The following MOCS3 variants were observed in gnomAD, a reference collection of about 807,000 sequenced individuals.
MOCS3 encodes the protein adenylyltransferase and sulfurtransferase MOCS3.
A neutral mutation model predicts 8.4 loss-of-function variants in MOCS3; 9 were observed. The ratio of observed to expected loss-of-function variants is 1.07; its 90% CI spans 0.65 to 1.87. The LOEUF (loss-of-function observed/expected upper bound fraction) is 1.87. Ranked by LOEUF, MOCS3 falls within the 40% of genes most tolerant of loss-of-function variation. The pLI, the probability that MOCS3 is intolerant of heterozygous loss-of-function variation, is 0.00. For synonymous variants in MOCS3, 294 were observed against 272.0 expected, an observed-to-expected ratio of 1.08 and a Z score of -0.80; for missense variants, 581 against 599.7, an observed-to-expected ratio of 0.97 and a Z score of 0.33.
chr20:50,963,134 T>G lies in MOCS3; in HGVS notation c.*2909T>G. The G allele has an allele frequency of 6.6e-6, 1 of 151,788 alleles. No homozygotes were observed. The highest frequency in any genetic ancestry group is 2.0e-4 in the East Asian group (1 of 5,108). 9.4% of individuals were successfully genotyped at this position (151,788 alleles called of 1,614,324 possible). Reference sequence around the variant, plus strand: ...AGCAATGGGGTCTGAATATGTGGCCTAGGCTGATCTCAAACTCCTGGGCTC... The same window carrying G: ...AGCAATGGGGTCTGAATATGTGGCCGAGGCTGATCTCAAACTCCTGGGCTC... On this transcript the variant is annotated 3_prime_UTR_variant, in exon 1 of 1. Coordinates refer to ENST00000244051, the MANE Select transcript of MOCS3 (RefSeq NM_014484.5).
Position 50,958,945 on chromosome 20 carries a change from G to T in MOCS3, c.103G>T (p.Glu35Ter). Residue 35 changes from glutamate to a stop codon, truncating the protein, a stop_gained, in exon 1 of 1, where the codon GAG becomes TAG. Coordinates refer to ENST00000244051, the MANE Select transcript of MOCS3 (RefSeq NM_014484.5). LOFTEE classifies it low-confidence loss of function (END_TRUNC). The part of the protein sequence containing the change: ...KQKLASALLA[E>*]QEPQPERLVP... ...GAAGCTGGCGTCGGCTCTTTTGGCT[G>T]AGCAGGAACCGCAGCCAGAACGGCT... 6.2e-7 allele frequency: 1 copy of T among 1,610,992 alleles called. No homozygotes were observed. The highest frequency in any genetic ancestry group is 1.1e-5 in the South Asian group (1 of 91,056).
chr20:50,959,207 T>G lies in MOCS3; in HGVS notation c.365T>G (p.Leu122Arg). 1.2e-6 allele frequency: 2 copies of G among 1,611,878 alleles called. No individual in the cohort carries two copies. Among genetic ancestry groups the G allele is most frequent in the Non-Finnish European group, 1.7e-6 (2 of 1,179,382 alleles). Residue 122 changes from leucine (L) to arginine (R), a missense_variant, in exon 1 of 1, where the codon CTG becomes CGG. By Grantham distance (102) the Leu-to-Arg change is moderately radical. Transcript: ENST00000244051. ...TATGACGTGGTAGAGATGAGCAACC[T>G]GGCCCGCCAAGTGCTGCATGGCGAG... ...VDYDVVEMSN[L>R]ARQVLHGEAL...
chr20:50,963,468 A>T lies in MOCS3; in HGVS notation c.*3243A>T, dbSNP rs1987141635. 6.6e-6 allele frequency: 1 copy of T among 152,230 alleles called. No homozygotes were observed. Among genetic ancestry groups the T allele is most frequent in the South Asian group, 2.1e-4 (1 of 4,830 alleles). 9.4% of individuals were successfully genotyped at this position (152,230 alleles called of 1,614,324 possible). A position where few individuals can be genotyped will look rare whatever the true frequency, so the allele number is the denominator to read the frequency against. ...AATTATGGAAGGCCTCAGAGATGAC[A>T]TTAAACCCAAAACCTGAAAGGTGAG... On this transcript the variant is annotated 3_prime_UTR_variant, in exon 1 of 1. Coordinates refer to ENST00000244051, the MANE Select transcript of MOCS3 (RefSeq NM_014484.5).
In MOCS3 at chr20:50,960,097, CAGAA is replaced by C. The variant is rs745334123; in HGVS notation, c.1258_1261del (p.Lys420ProfsTer2). 9.3e-6 allele frequency: 15 copies of C among 1,614,138 alleles called. No individual in the cohort carries two copies. In the African/African-American group the frequency reaches 1.9e-4, roughly 20 times the overall value. On this transcript the variant is annotated frameshift_variant, in exon 1 of 1. Coordinates refer to ENST00000244051, the MANE Select transcript of MOCS3 (RefSeq NM_014484.5). LOFTEE classifies it high-confidence loss of function. ...GATTTGCAAACTGGGAAATGACTCA[CAGAA>C]AGCCGTGAAGATCCTCCAGTCCTTA...
At position 50,958,851 on chromosome 20, in the gene MOCS3, C is replaced by T; in HGVS notation, c.9C>T (p.Ser3=). The T allele has an allele frequency of 6.3e-7, 1 of 1,588,000 alleles. No individual in the cohort carries two copies. The highest frequency in any genetic ancestry group is 8.6e-7 in the Non-Finnish European group (1 of 1,161,882). MA[S]REEVLALQAE... ...TTCCGGAAGAGGTCGCCATGGCTTCCCGGGAGGAGGTACTCGCCTTACAAG... is the reference window on the plus strand; with the variant it reads ...TTCCGGAAGAGGTCGCCATGGCTTCTCGGGAGGAGGTACTCGCCTTACAAG... The change falls in exon 1 of 1, where the codon TCC becomes TCT. Residue 3 remains serine, a synonymous_variant. Coordinates refer to ENST00000244051, the MANE Select transcript of MOCS3 (RefSeq NM_014484.5).
chr20:50,963,436 A>AT lies in MOCS3; in HGVS notation c.*3212dup, dbSNP rs1987140930. ...GGGTGGGGGAGGGGATCTGTTTTGA[A>AT]TAGCTTAATTATGGAAGGCCTCAGA... is the stretch of plus-strand genomic sequence containing the variant. On this transcript the variant is annotated 3_prime_UTR_variant, in exon 1 of 1. Transcript: ENST00000244051. 6.6e-6 allele frequency: 1 copy of AT among 152,236 alleles called. No individual in the cohort carries two copies. Among genetic ancestry groups the AT allele is most frequent in the Non-Finnish European group, 1.5e-5 (1 of 68,048 alleles). The allele number at this position is 152,236 out of a possible 1,614,324, so 9.4% of individuals were successfully genotyped here.
rs2123162130 is a variant in MOCS3 at position 50,960,323 on chromosome 20, A to G, written c.*98A>G. The G allele has an allele frequency of 1.6e-6, 2 of 1,275,186 alleles. No homozygotes were observed. Among genetic ancestry groups the G allele is most frequent in the East Asian group, 5.0e-5 (2 of 39,888 alleles). The allele number at this position is 1,275,186 out of a possible 1,614,324, so 79.0% of individuals were successfully genotyped here. ...TCGGTAATATACATAGGAGCTGGGG[A>G]TTCTACAGTATCTGTGAATACGTGG... On this transcript the variant is annotated 3_prime_UTR_variant, in exon 1 of 1. Transcript: ENST00000244051.
Position 50,958,987 on chromosome 20 carries a change from C to T in MOCS3, c.145C>T (p.Leu49=). 6.2e-7 allele frequency: 1 copy of T among 1,609,746 alleles called. No homozygotes were observed. The highest frequency in any genetic ancestry group is 8.5e-7 in the Non-Finnish European group (1 of 1,177,272). ...QPERLVPVSP[L]PPKAALSRDE... ...AGAACGGCTGGTTCCGGTGTCGCCG[C>T]TGCCGCCGAAGGCCGCTCTGTCCCG... Residue 49 remains leucine, a synonymous_variant, in exon 1 of 1, where the codon CTG becomes TTG. Transcript: ENST00000244051.
rs200363022 is a variant in MOCS3, at chr20:50,960,072, G to C, written c.1230G>C (p.Val410=). The change falls in exon 1 of 1, where the codon GTG becomes GTC. Residue 410 remains valine (V), a synonymous_variant. Coordinates refer to ENST00000244051, the MANE Select transcript of MOCS3 (RefSeq NM_014484.5). ...AAGGGGCTGCTGTCCCCATTTATGT[G>C]ATTTGCAAACTGGGAAATGACTCAC... The part of the protein sequence containing the change: ...TQEGAAVPIY[V]ICKLGNDSQK... The C allele has an allele frequency of 9.9e-6, 16 of 1,614,256 alleles. No homozygotes were observed. The Middle Eastern group carries it at 9.9e-4, about 100-fold the overall frequency.
At position 50,959,824 on chromosome 20, in the gene MOCS3, C is replaced by T. The variant is rs1300168269; in HGVS notation, c.982C>T (p.Gln328Ter). ...AGCCACTGATAAATGCCGCTCCCTG[C>T]AACTACTGAGCCCAGAGGAGCGTGT... Reference protein sequence around the residue: ...SSATDKCRSLQLLSPEERVSV... With the variant: ...SSATDKCRSL The change falls in exon 1 of 1, where the codon CAA (glutamine) becomes TAA (stop). Residue 328 changes from glutamine (Q) to a stop codon, truncating the protein, a stop_gained. Transcript: ENST00000244051. LOFTEE classifies it low-confidence loss of function (END_TRUNC). 1.2e-6 allele frequency: 2 copies of T among 1,614,126 alleles called. No individual in the cohort carries two copies. Among genetic ancestry groups the T allele is most frequent in the Non-Finnish European group, 1.7e-6 (2 of 1,180,046 alleles).
chr20:50,959,736 A>T lies in MOCS3; in HGVS notation c.894A>T (p.Ala298=), dbSNP rs1212812176. ...TGCGGAGCCGCAGGCTCGACTGTGC[A>T]GCTTGCGGGGAACGGCCCACTGTGA... ...IRLRSRRLDC[A]ACGERPTVTD... The change falls in exon 1 of 1, where the codon GCA becomes GCT. Residue 298 remains alanine (A), a synonymous_variant. Coordinates refer to ENST00000244051, the MANE Select transcript of MOCS3 (RefSeq NM_014484.5). The T allele has an allele frequency of 1.9e-6, 3 of 1,614,148 alleles. No individual in the cohort carries two copies. The highest frequency in any genetic ancestry group is 8.5e-7 in the Non-Finnish European group (1 of 1,180,058).
chr20:50,959,456 C>G lies in MOCS3; in HGVS notation c.614C>G (p.Ala205Gly). The G allele has an allele frequency of 6.2e-7, 1 of 1,614,006 alleles. No individual in the cohort carries two copies. The highest frequency in any genetic ancestry group is 8.5e-7 in the Non-Finnish European group (1 of 1,180,040). ...GGTCGGCCCCTCGTGTCTGCCAGTGCCTTGCGCTTCGAGGGCCAAATCACA... is the reference window on the plus strand; with the variant it reads ...GGTCGGCCCCTCGTGTCTGCCAGTGGCTTGCGCTTCGAGGGCCAAATCACA... ...LAGRPLVSAS[A>G]LRFEGQITVY... Residue 205 changes from alanine to glycine, a missense_variant, in exon 1 of 1, where the codon GCC (alanine) becomes GGC (glycine). Ala to Gly is a moderately conservative substitution (Grantham distance 60). Transcript: ENST00000244051.
rs1987145834 is a variant in MOCS3, at chr20:50,963,763, A to G, written c.*3538A>G. ...ACTGTGTTATTTGGGATTTGAATCC[A>G]GATGCTCTGGTTGAAGAGCCCATTC... On this transcript the variant is annotated 3_prime_UTR_variant, in exon 1 of 1. Transcript: ENST00000244051. The G allele has an allele frequency of 6.6e-6, 1 of 152,260 alleles. No individual in the cohort carries two copies. Among genetic ancestry groups the G allele is most frequent in the Non-Finnish European group, 1.5e-5 (1 of 68,048 alleles). 9.4% of individuals were successfully genotyped at this position (152,260 alleles called of 1,614,324 possible).
In MOCS3 at chr20:50,960,313, G is replaced by C; in HGVS notation, c.*88G>C. ...TTTGCATTTTTCGGTAATATACATA[G>C]GAGCTGGGGATTCTACAGTATCTGT... On this transcript the variant is annotated 3_prime_UTR_variant, in exon 1 of 1. Transcript: ENST00000244051. 7.4e-7 allele frequency: 1 copy of C among 1,359,972 alleles called. No individual in the cohort carries two copies. The highest frequency in any genetic ancestry group is 1.5e-5 in the South Asian group (1 of 66,890). 84.2% of individuals were successfully genotyped at this position (1,359,972 alleles called of 1,614,324 possible).
In MOCS3 at chr20:50,961,740, C is replaced by T. The variant is rs984571810; in HGVS notation, c.*1515C>T. Reference sequence around the variant, plus strand: ...TAACTGTGAAACATTGTAACTAATTCTTTGAACAGGTATACTTAAAGTATG... The same window carrying T: ...TAACTGTGAAACATTGTAACTAATTTTTTGAACAGGTATACTTAAAGTATG... On this transcript the variant is annotated 3_prime_UTR_variant, in exon 1 of 1. Coordinates refer to ENST00000244051, the MANE Select transcript of MOCS3 (RefSeq NM_014484.5). The T allele has an allele frequency of 6.6e-6, 1 of 152,110 alleles. No individual in the cohort carries two copies. The highest frequency in any genetic ancestry group is 1.5e-5 in the Non-Finnish European group (1 of 68,014). The allele number at this position is 152,110 out of a possible 1,614,324, so 9.4% of individuals were successfully genotyped here.
In MOCS3 at chr20:50,959,420, G is replaced by A; in HGVS notation, c.578G>A (p.Cys193Tyr). The A allele has an allele frequency of 6.2e-7, 1 of 1,613,990 alleles. No individual in the cohort carries two copies. The highest frequency in any genetic ancestry group is 8.5e-7 in the Non-Finnish European group (1 of 1,180,024). The part of the protein sequence containing the change: ...VPTRYLVNDA[C>Y]VLAGRPLVSA... ...ACTCGCTACCTGGTTAATGACGCAT[G>A]TGTGCTGGCGGGTCGGCCCCTCGTG... Residue 193 changes from cysteine (C) to tyrosine (Y), a missense_variant, in exon 1 of 1, where the codon TGT becomes TAT. Transcript: ENST00000244051.
rs139556870 is a variant in MOCS3 at position 50,959,502 on chromosome 20, C to G, written c.660C>G (p.Gly220=). ...GQITVYHYDG[G]PCYRCIFPQP... is the part of the protein sequence containing the mutation. ...TCACAGTCTACCATTATGACGGTGG[C>G]CCTTGCTATCGCTGCATATTCCCCC... Residue 220 remains glycine (G), a synonymous_variant, in exon 1 of 1, where the codon GGC becomes GGG. Transcript: ENST00000244051. 142 of 1,614,142 alleles carry G rather than the reference C, an allele frequency of 8.8e-5. 1 individual carries two copies. The African/African-American group carries it at 1.5e-3, about 17-fold the overall frequency.
rs1191599766 is a variant in MOCS3, at chr20:50,962,864, A to C, written c.*2639A>C. 1 of 151,842 alleles carries C rather than the reference A, an allele frequency of 6.6e-6. No homozygotes were observed. The highest frequency in any genetic ancestry group is 2.4e-5 in the African/African-American group (1 of 41,328). 9.4% of individuals were successfully genotyped at this position (151,842 alleles called of 1,614,324 possible). On this transcript the variant is annotated 3_prime_UTR_variant, in exon 1 of 1. Coordinates refer to ENST00000244051, the MANE Select transcript of MOCS3 (RefSeq NM_014484.5). Reference sequence around the variant, plus strand: ...TGCACCTGGCATATATTAGTATTTGAAATTTGGTTTTCTCTGGGGATTGTA... The same window carrying C: ...TGCACCTGGCATATATTAGTATTTGCAATTTGGTTTTCTCTGGGGATTGTA...
rs540199252 is a variant in MOCS3, at chr20:50,959,288, A to G, written c.446A>G (p.Asn149Ser). Reference sequence around the variant, plus strand: ...GCCGCCGCCTCGCTGCGCCGCCTCAATTCGGCAGTGGAATGCGTGCCGTAC... The same window carrying G: ...GCCGCCGCCTCGCTGCGCCGCCTCAGTTCGGCAGTGGAATGCGTGCCGTAC... ...FSAAASLRRL[N>S]SAVECVPYTQ... The change falls in exon 1 of 1, where the codon AAT becomes AGT. Residue 149 changes from asparagine (N) to serine (S), a missense_variant. Asn to Ser is a conservative substitution (Grantham distance 46). Coordinates refer to ENST00000244051, the MANE Select transcript of MOCS3 (RefSeq NM_014484.5). The G allele has an allele frequency of 4.0e-5, 64 of 1,610,432 alleles. No individual in the cohort carries two copies. Among genetic ancestry groups the G allele is most frequent in the East Asian group, 1.3e-4 (6 of 44,862 alleles).
Sources: allele counts gnomAD v4.1 joint callset, GRCh38; gene constraint gnomAD v4.1.1; transcripts MANE v1.5; gene names NCBI Gene and HGNC (gene_info 2026-07-23, HGNC 2026-07-21).